The following GPC3 variants were observed in gnomAD, a reference collection of about 807,000 sequenced individuals.
GPC3 encodes glypican 3.
GPC3 carries 3 observed loss-of-function variants against 34.4 expected under a neutral mutation model. The observed-to-expected ratio is 0.09, with a 90% confidence interval of 0.04 to 0.23. GPC3 has a LOEUF of 0.23. Ranked by LOEUF, GPC3 falls within the 10% of genes least tolerant of loss-of-function variation. The pLI, the probability that GPC3 is intolerant of heterozygous loss-of-function variation, is 1.00. For missense variants in GPC3, 351 were observed against 445.6 expected (o/e 0.79, Z 1.91); for synonymous variants, 177 against 174.0 (o/e 1.02, Z -0.13).
intron 6 of GPC3, among the ~76,000 whole-genome samples, chrX:133,598,587 T>G (rs1356695397): frequency 2.7e-5 from 3 of 111,870 alleles, no homozygotes; most frequent in Non-Finnish European, 5.6e-5. Context: ...CCCACAGATA[T>G]GTCATGGGAA....
intron 6 of GPC3, among the ~76,000 whole-genome samples, chrX:133,634,584 G>T (rs920834529): frequency 4.8e-4 from 54 of 112,174 alleles, no homozygotes; most frequent in African/African-American, 1.7e-3. Context: ...TGACACAAAA[G>T]ATTACATCTT....
At chrX:133,690,283 G>C (rs1331291296) in intron 5 of GPC3, among the ~76,000 whole-genome samples, 1 of 111,558 alleles carries the variant, frequency 9.0e-6, no homozygotes, top group Non-Finnish European at 1.9e-5. Context: ...GAAGGGGAAA[G>C]GGGGAAAAAT....
At chrX:133,762,602 T>TACG (rs2071804878) in intron 2 of GPC3, among the ~76,000 whole-genome samples, 1 of 110,803 alleles carries the variant, frequency 9.0e-6, no homozygotes, top group African/African-American at 3.3e-5. Flanking sequence ...CCAACAAACA[T>TACG]ACGAAAAAAA....
At chrX:133,764,329 A>G (rs73241304) in intron 2 of GPC3, among the ~76,000 whole-genome samples, 8,547 of 111,351 alleles carry the variant, frequency 0.077, 348 homozygotes, top group Non-Finnish European at 0.12. Flanking sequence ...TGATGAGATC[A>G]ATCATACCCC....
At chrX:133,615,720 T>C (rs1333293694) in intron 6 of GPC3, among the ~76,000 whole-genome samples, 1 of 107,685 alleles carries the variant, frequency 9.3e-6, no homozygotes, top group Non-Finnish European at 1.9e-5. Context: ...AACCCGCACG[T>C]TGTGAACATG....
intron 2 of GPC3, among the ~76,000 whole-genome samples, chrX:133,879,883 A>C: frequency 8.9e-6 from 1 of 112,016 alleles, no homozygotes; most frequent in Non-Finnish European, 1.9e-5. Flanking sequence ...TGCTTCACTG[A>C]AAGGCTTTTT....
intron 2 of GPC3, among the ~76,000 whole-genome samples, chrX:133,916,738 G>A (rs778662047): frequency 1.8e-5 from 2 of 111,255 alleles, no homozygotes; most frequent in Non-Finnish European, 3.8e-5. Flanking sequence ...ATTTAGCCAA[G>A]TGTGATGGCA....
chrX:133,895,638 GCCTT>G (rs2076108148), intron 2 of GPC3, among the ~76,000 whole-genome samples: 1 of 111,356 alleles, frequency 9.0e-6, no homozygotes, highest in South Asian at 3.9e-4. Context: ...CCAGTTTGTG[GCCTT>G]CATTATCAAG....
At chrX:133,840,921 A>T (rs1453977530) in intron 2 of GPC3, among the ~76,000 whole-genome samples, 2 of 111,241 alleles carry the variant, frequency 1.8e-5, no homozygotes, top group African/African-American at 6.5e-5. Flanking sequence ...GTTGACAGTG[A>T]CTCTCAGGCA....
At chrX:133,729,302 C>T (rs2071441382) in intron 3 of GPC3, among the ~76,000 whole-genome samples, 1 of 111,574 alleles carries the variant, frequency 9.0e-6, no homozygotes. Context: ...TCCATTATTC[C>T]TCAGTCTCCA....
intron 2 of GPC3, among the ~76,000 whole-genome samples, chrX:133,759,424 T>C (rs771788302): frequency 3.6e-5 from 4 of 111,608 alleles, no homozygotes; most frequent in Non-Finnish European, 3.8e-5. Flanking sequence ...AACAGATCCA[T>C]GGAACAAAAT....
At chrX:133,644,335 A>G (rs925994798) in intron 6 of GPC3, among the ~76,000 whole-genome samples, 6 of 111,446 alleles carry the variant, frequency 5.4e-5, no homozygotes, top group Non-Finnish European at 1.1e-4. Context: ...TTAGAGTAAT[A>G]GGACGTGGGT....
At chrX:133,872,050 C>A (rs1217326164) in intron 2 of GPC3, among the ~76,000 whole-genome samples, 5 of 111,074 alleles carry the variant, frequency 4.5e-5, no homozygotes, top group Non-Finnish European at 9.4e-5. Flanking sequence ...CTCAAGCGAT[C>A]CTCCCACCTC....
intron 2 of GPC3, among the ~76,000 whole-genome samples, chrX:133,877,436 C>A (rs1199165354): frequency 1.8e-5 from 2 of 111,897 alleles, no homozygotes; most frequent in Admixed American, 1.9e-4. Context: ...ATCTATAAAA[C>A]AAGGATAATG....
At chrX:133,946,970 A>T (rs2076371645) in intron 2 of GPC3, among the ~76,000 whole-genome samples, 1 of 111,652 alleles carries the variant, frequency 9.0e-6, no homozygotes, top group African/African-American at 3.3e-5. Flanking sequence ...TCCAGCTTAG[A>T]GGGAAATTGT....
At chrX:133,859,096 A>G (rs1392602463) in intron 2 of GPC3, among the ~76,000 whole-genome samples, 1 of 109,737 alleles carries the variant, frequency 9.1e-6, no homozygotes, top group Non-Finnish European at 1.9e-5. Context: ...AAAAAAAAAA[A>G]GAAAAGAAAA....
intron 2 of GPC3, among the ~76,000 whole-genome samples, chrX:133,805,112 T>C (rs1485383214): frequency 8.9e-6 from 1 of 112,216 alleles, no homozygotes; most frequent in African/African-American, 3.2e-5. Context: ...TGAGTTGTGT[T>C]GAGTATATGA....
At chrX:133,646,828 C>A (rs190442887) in intron 6 of GPC3, among the ~76,000 whole-genome samples, 1 of 111,700 alleles carries the variant, frequency 9.0e-6, no homozygotes, top group East Asian at 2.8e-4. Flanking sequence ...CACAGCATAG[C>A]CCCCAAGTGA....
At chrX:133,581,595 T>G (rs1271729583) in intron 7 of GPC3, among the ~76,000 whole-genome samples, 7 of 112,492 alleles carry the variant, frequency 6.2e-5, no homozygotes, top group Admixed American at 4.7e-4. Flanking sequence ...TCATTATAAA[T>G]TTTATTTAGC....
Sources: gnomAD v4.1 joint callset for allele counts (sites outside exome capture counted in the v4.1 genomes callset) on GRCh38, gnomAD v4.1.1 for gene constraint, MANE v1.5 for transcripts, NCBI Gene and HGNC (gene_info 2026-07-23, HGNC 2026-07-21) for gene names.